Variants in ZNF804B observed in about 807,000 individuals in gnomAD.
ZNF804B encodes the protein zinc finger protein 804B.
A neutral mutation model predicts 101.4 loss-of-function variants in ZNF804B; 80 were observed. The observed-to-expected ratio is 0.79, with a 90% CI of 0.66 to 0.95. The LOEUF is 0.95. ZNF804B is among the 40% of genes least tolerant of loss of function. The pLI, the probability that ZNF804B is intolerant of heterozygous loss-of-function variation, is 0.00. For missense variants in ZNF804B, 1,673 were observed against 1,561.9 expected, an observed-to-expected ratio of 1.07 and a Z score of -1.20; for synonymous variants, 622 against 558.8, an observed-to-expected ratio of 1.11 and a Z score of -1.59.
chr7:88,839,991 G>C (rs1321814500), intron 1 of ZNF804B, among the ~76,000 whole-genome samples: 2 of 152,134 alleles, frequency 1.3e-5, no homozygotes, highest in African/African-American at 4.8e-5. Context: ...CAAAGAAGCT[G>C]TTCTCCAGGT....
chr7:88,804,908 A>G (rs1473470105), intron 1 of ZNF804B, among the ~76,000 whole-genome samples: 2 of 152,156 alleles, frequency 1.3e-5, no homozygotes, highest in Non-Finnish European at 2.9e-5. Flanking sequence ...AGAGATAGAT[A>G]TTACTGATTT....
chr7:89,310,352 ATATG>A (rs1225179455), intron 2 of ZNF804B, among the ~76,000 whole-genome samples: 2 of 152,142 alleles, frequency 1.3e-5, no homozygotes, highest in Admixed American at 1.3e-4. Flanking sequence ...CAAGATTCTG[ATATG>A]TATAGCTCAA....
chr7:89,279,067 A>T (rs1335786504), intron 2 of ZNF804B, among the ~76,000 whole-genome samples: 1 of 152,166 alleles, frequency 6.6e-6, no homozygotes, highest in South Asian at 2.1e-4. Flanking sequence ...GGTCCTTCAC[A>T]TCCCTTGTAA....
At chr7:89,013,281 A>T (rs749037535) in intron 1 of ZNF804B, among the ~76,000 whole-genome samples, 1 of 152,032 alleles carries the variant, frequency 6.6e-6, no homozygotes, top group Non-Finnish European at 1.5e-5. Context: ...AGCAGTTAAG[A>T]GAGAAGAAAC....
chr7:89,082,931 G>T (rs58129759), intron 1 of ZNF804B, among the ~76,000 whole-genome samples: 4,866 of 151,682 alleles, frequency 0.032, 130 homozygotes, highest in African/African-American at 0.074. Context: ...TTGATATGTA[G>T]ATAATTACAT....
intron 1 of ZNF804B, among the ~76,000 whole-genome samples, chr7:88,926,403 A>G (rs938078481): frequency 1.3e-5 from 2 of 148,760 alleles, no homozygotes; most frequent in Admixed American, 1.4e-4. Flanking sequence ...CCTGGTCAAC[A>G]TGGCGAAACC....
chr7:89,049,085 T>C (rs890384621), intron 1 of ZNF804B, among the ~76,000 whole-genome samples: 3 of 150,592 alleles, frequency 2.0e-5, no homozygotes, highest in African/African-American at 5.0e-5. Flanking sequence ...AAAGTCGCTA[T>C]TGTCTATCAT....
intron 2 of ZNF804B, among the ~76,000 whole-genome samples, chr7:89,299,846 G>T (rs775232564): frequency 1.3e-5 from 2 of 151,906 alleles, no homozygotes; most frequent in Non-Finnish European, 2.9e-5. Flanking sequence ...TATAAAAATA[G>T]AACTACTTGT....
chr7:88,789,444 G>A (rs1790346817), intron 1 of ZNF804B, among the ~76,000 whole-genome samples: 1 of 152,078 alleles, frequency 6.6e-6, no homozygotes, highest in South Asian at 2.1e-4. Context: ...TGTTATACCA[G>A]TATACTGTTA....
chr7:88,978,552 A>G (rs754119106), intron 1 of ZNF804B, among the ~76,000 whole-genome samples: 12 of 151,154 alleles, frequency 7.9e-5, no homozygotes, highest in African/African-American at 1.9e-4. Context: ...TTCCATTGCC[A>G]TGTAATATCT....
At chr7:89,171,146 G>A (rs1791217998) in intron 1 of ZNF804B, among the ~76,000 whole-genome samples, 1 of 152,096 alleles carries the variant, frequency 6.6e-6, no homozygotes, top group South Asian at 2.1e-4. Flanking sequence ...ATGTGGTTAT[G>A]GTGTGAATTT....
At chr7:89,271,956 A>G (rs1324993858) in intron 2 of ZNF804B, among the ~76,000 whole-genome samples, 1 of 151,890 alleles carries the variant, frequency 6.6e-6, no homozygotes, top group African/African-American at 2.4e-5. Context: ...ACATGAAAAA[A>G]TTTGTCTTTT....
intron 1 of ZNF804B, among the ~76,000 whole-genome samples, chr7:88,986,418 C>A (rs1232605640): frequency 6.6e-6 from 1 of 152,072 alleles, no homozygotes; most frequent in Non-Finnish European, 1.5e-5. Context: ...TGAATATCCT[C>A]CCAAAGTGCT....
At chr7:88,959,869 A>G (rs1793364810) in intron 1 of ZNF804B, among the ~76,000 whole-genome samples, 1 of 151,412 alleles carries the variant, frequency 6.6e-6, no homozygotes, top group Non-Finnish European at 1.5e-5. Context: ...TTTACAGGTC[A>G]TGCTCCTTCT....
At chr7:89,114,723 A>C (rs1790281886) in intron 1 of ZNF804B, among the ~76,000 whole-genome samples, 1 of 152,192 alleles carries the variant, frequency 6.6e-6, no homozygotes, top group South Asian at 2.1e-4. Context: ...CTGCATAATC[A>C]TTCTTAAGGC....
At chr7:89,098,160 A>G (rs1439253586) in intron 1 of ZNF804B, among the ~76,000 whole-genome samples, 1 of 152,140 alleles carries the variant, frequency 6.6e-6, no homozygotes, top group Non-Finnish European at 1.5e-5. Flanking sequence ...GGCTCTACAC[A>G]ATTAGAAAAA....
intron 1 of ZNF804B, among the ~76,000 whole-genome samples, chr7:89,031,306 A>G (rs113942051): frequency 0.023 from 3,479 of 151,396 alleles, 139 homozygotes; most frequent in African/African-American, 0.08. Context: ...CCTAGACTCA[A>G]TTACCCTTTG....
At chr7:89,056,593 G>A (rs1360949343) in intron 1 of ZNF804B, among the ~76,000 whole-genome samples, 1 of 152,022 alleles carries the variant, frequency 6.6e-6, no homozygotes, top group African/African-American at 2.4e-5. Flanking sequence ...CACTGAAATA[G>A]GACTAAACTT....
At chr7:88,918,312 A>G (rs933641004) in intron 1 of ZNF804B, among the ~76,000 whole-genome samples, 1 of 152,082 alleles carries the variant, frequency 6.6e-6, no homozygotes, top group African/African-American at 2.4e-5. Context: ...TATATACACT[A>G]TTGTGTTTGT....
Sources: allele counts gnomAD v4.1 joint callset (sites outside exome capture counted in the v4.1 genomes callset), GRCh38; gene constraint gnomAD v4.1.1; transcripts MANE v1.5; gene names NCBI Gene and HGNC (gene_info 2026-07-23, HGNC 2026-07-21).